Variants in SYCP1 observed in about 807,000 individuals in gnomAD.
SYCP1 encodes synaptonemal complex protein 1, also known as cancer/testis antigen 8.
A neutral mutation model predicts 153.1 loss-of-function variants in SYCP1; 64 were observed. That is an observed-to-expected ratio of 0.42 (90% CI 0.34 to 0.51). The LOEUF (loss-of-function observed/expected upper bound fraction) is 0.51. Among genes scored for constraint, SYCP1 ranks in the 20% least tolerant of loss-of-function variants. The pLI, the probability that SYCP1 is intolerant of heterozygous loss-of-function variation, is 0.06. For missense variants in SYCP1, 997 were observed against 1,049.0 expected, an observed-to-expected ratio of 0.95 and a Z score of 0.68; for synonymous variants, 384 against 341.8, an observed-to-expected ratio of 1.12 and a Z score of -1.36.
At chr1:114,855,773 C>T (rs549578048) in intron 2 of SYCP1, among the ~76,000 whole-genome samples, 5 of 152,156 alleles carry the variant, frequency 3.3e-5, no homozygotes, top group Non-Finnish European at 4.4e-5. Flanking sequence ...ATGACTGCTG[C>T]CGTAGAACTC....
chr1:114,916,552 A>G (rs971264784), intron 20 of SYCP1, among the ~76,000 whole-genome samples: 38 of 151,446 alleles, frequency 2.5e-4, no homozygotes, highest in African/African-American at 9.2e-4. Flanking sequence ...TGTGATTTTT[A>G]GTTTTTGGAT....
intron 29 of SYCP1, 32 bp downstream of exon 29, chr1:114,981,544 A>C (rs1215759344): frequency 2.0e-6 from 3 of 1,535,884 alleles, no homozygotes. Context: ...GTTAGTAGTA[A>C]TTTTTTAAAT....
chr1:114,887,511 T>C, intron 14 of SYCP1, 115 bp from the exon 15 acceptor site: 1 of 540,030 alleles, frequency 1.9e-6, no homozygotes, highest in Non-Finnish European at 3.2e-6. Flanking sequence ...TGTTTAACAA[T>C]CCAGTGGGTG....
chr1:114,869,752 C>A (rs1423928803), intron 8 of SYCP1, among the ~76,000 whole-genome samples: 2 of 152,136 alleles, frequency 1.3e-5, no homozygotes, highest in East Asian at 1.9e-4. Context: ...AATCTGAAAT[C>A]TGATATATTA....
At chr1:114,985,606 C>T (rs1454210719) in intron 30 of SYCP1, among the ~76,000 whole-genome samples, 4 of 151,950 alleles carry the variant, frequency 2.6e-5, no homozygotes, top group African/African-American at 9.6e-5. Context: ...ATCCTTCAAG[C>T]TTTTCTACTA....
intron 10 of SYCP1, 142 bp from the exon 11 acceptor site, chr1:114,876,595 A>T: frequency 2.8e-6 from 1 of 356,344 alleles, no homozygotes; most frequent in Non-Finnish European, 5.0e-6. Context: ...GAAAACAGCA[A>T]TATTAGCTCA....
intron 28 of SYCP1, among the ~76,000 whole-genome samples, chr1:114,979,528 G>T (rs1465917776): frequency 2.0e-5 from 3 of 151,820 alleles, no homozygotes; most frequent in Admixed American, 2.0e-4. Context: ...TCTCCTACCT[G>T]TAGGGAGGAA....
rs2101998524 is a variant in SYCP1 at position 114,995,051 on chromosome 1, A to G, written c.*32A>G. On this transcript the variant is annotated 3_prime_UTR_variant, in exon 32 of 32. Transcript: ENST00000369522. Reference sequence around the variant, plus strand: ...AGAATCAGTGTAGTTAAGGAGCCTAATAACGTGAAACTTATAGTTAATATT... The same window carrying G: ...AGAATCAGTGTAGTTAAGGAGCCTAGTAACGTGAAACTTATAGTTAATATT... The G allele has an allele frequency of 1.3e-6, 2 of 1,548,552 alleles. No homozygotes were observed. The highest frequency in any genetic ancestry group is 1.3e-5 in the South Asian group (1 of 78,742).
intron 15 of SYCP1, among the ~76,000 whole-genome samples, chr1:114,889,050 G>C (rs962545474): frequency 5.9e-5 from 9 of 152,076 alleles, no homozygotes; most frequent in African/African-American, 1.9e-4. Flanking sequence ...CTTTTTTATG[G>C]CTGCGTAGTA....
intron 1 of SYCP1, 50 bp from the exon 2 acceptor site, chr1:114,855,391 A>G (rs1329253500): frequency 8.9e-7 from 1 of 1,123,594 alleles, no homozygotes; most frequent in African/African-American, 1.7e-5. Context: ...TATTCATGAC[A>G]CTCGGTGAAA....
chr1:114,968,781 T>C (rs1672301404), intron 27 of SYCP1, among the ~76,000 whole-genome samples: 1 of 152,230 alleles, frequency 6.6e-6, no homozygotes, highest in South Asian at 2.1e-4. Context: ...ATTTTCAGCC[T>C]TTTTGCACTG....
At chr1:114,960,880 G>C (rs1671741321) in intron 27 of SYCP1, among the ~76,000 whole-genome samples, 1 of 152,098 alleles carries the variant, frequency 6.6e-6, no homozygotes, top group South Asian at 2.1e-4. Context: ...GAATGATTTA[G>C]GGGGGATTTT....
At chr1:114,860,697 A>T (rs754977012) in intron 7 of SYCP1, 39 bp from the exon 8 acceptor site, 5 of 1,411,690 alleles carry the variant, frequency 3.5e-6, no homozygotes, top group Non-Finnish European at 4.9e-6. Flanking sequence ...TTGCTTTGAG[A>T]TCAGATTACA....
intron 30 of SYCP1, among the ~76,000 whole-genome samples, chr1:114,989,470 A>G (rs1232603963): frequency 1.3e-5 from 2 of 152,074 alleles, no homozygotes; most frequent in Admixed American, 6.6e-5. Context: ...TATAAGACAT[A>G]TTGAAAACAA....
intron 27 of SYCP1, among the ~76,000 whole-genome samples, chr1:114,949,492 GC>G (rs1469781042): frequency 4.6e-5 from 7 of 152,268 alleles, no homozygotes; most frequent in Middle Eastern, 3.4e-3. Flanking sequence ...TAAGAATTCA[GC>G]CTAGTCAGCT....
At chr1:114,954,428 G>T (rs1671302870) in intron 27 of SYCP1, among the ~76,000 whole-genome samples, 1 of 151,636 alleles carries the variant, frequency 6.6e-6, no homozygotes, top group Non-Finnish European at 1.5e-5. Flanking sequence ...TTTATTCTTT[G>T]TGATTTTCTG....
At chr1:114,872,575 T>C (rs1665223818) in intron 8 of SYCP1, among the ~76,000 whole-genome samples, 1 of 152,214 alleles carries the variant, frequency 6.6e-6, no homozygotes, top group Non-Finnish European at 1.5e-5. Context: ...TGTCTGAAAT[T>C]AATTTAGGGA....
intron 1 of SYCP1, 127 bp from the exon 2 acceptor site, chr1:114,855,308 TAGCGAG>T: frequency 2.1e-6 from 1 of 484,296 alleles, no homozygotes; most frequent in Non-Finnish European, 3.7e-6. Context: ...GGCTCCACTG[TAGCGAG>T]AGCCCCGTGG....
intron 14 of SYCP1, 74 bp downstream of exon 14, chr1:114,886,383 T>G: frequency 7.8e-7 from 1 of 1,278,690 alleles, no homozygotes; most frequent in Non-Finnish European, 1.0e-6. Flanking sequence ...CAATGCCATT[T>G]TCTTTGCATT....
Sources: allele counts gnomAD v4.1 joint callset (sites outside exome capture counted in the v4.1 genomes callset), GRCh38; gene constraint gnomAD v4.1.1; transcripts MANE v1.5; gene names NCBI Gene and HGNC (gene_info 2026-07-23, HGNC 2026-07-21).